The following AKIRIN1 variants were observed in gnomAD, a reference collection of about 807,000 sequenced individuals.
The protein encoded by AKIRIN1 is akirin-1.
Under a neutral mutation model 25.9 loss-of-function variants are expected in AKIRIN1, and 4 were observed. The observed-to-expected ratio is 0.15, with a 90% CI of 0.08 to 0.35. AKIRIN1 has a LOEUF of 0.35. Among genes scored for constraint, AKIRIN1 ranks in the 10% least tolerant of loss-of-function variants. The pLI, the probability that AKIRIN1 is intolerant of heterozygous loss-of-function variation, is 1.00. For missense variants in AKIRIN1, 243 were observed against 266.1 expected (o/e 0.91, Z 0.61); for synonymous variants, 125 against 105.1 (o/e 1.19, Z -1.16).
rs1275330060 is a variant in AKIRIN1 at position 39,005,059 on chromosome 1, A to G, written c.*1004A>G. 1 of 152,368 alleles carries G rather than the reference A, an allele frequency of 6.6e-6. No individual in the cohort carries two copies. The highest frequency in any genetic ancestry group is 1.5e-5 in the Non-Finnish European group (1 of 68,162). 9.4% of individuals were successfully genotyped at this position (152,368 alleles called of 1,614,324 possible). On this transcript the variant is annotated 3_prime_UTR_variant, in exon 5 of 5. Coordinates refer to ENST00000432648, the MANE Select transcript of AKIRIN1 (RefSeq NM_024595.3). ...AGTGGCTCACGCCTGTAATCCCAGC[A>G]CTTTGGGAGTCCGAGGCATGCGGAT...
chr1:38,996,627 T>TCC (rs1357014345), intron 1 of AKIRIN1, among the ~76,000 whole-genome samples: 1 of 152,166 alleles, frequency 6.6e-6, no homozygotes, highest in African/African-American at 2.4e-5. Flanking sequence ...CCTCCCCGGT[T>TCC]CAAGAGATTC....
chr1:38,998,766 C>T (rs1054622130), intron 2 of AKIRIN1, among the ~76,000 whole-genome samples: 2 of 151,686 alleles, frequency 1.3e-5, no homozygotes, highest in Non-Finnish European at 2.9e-5. Flanking sequence ...ATTAGCCAGG[C>T]ATGGTGGCTC....
At chr1:38,999,403 A>G (rs757675397) in intron 2 of AKIRIN1, among the ~76,000 whole-genome samples, 4 of 152,222 alleles carry the variant, frequency 2.6e-5, no homozygotes, top group Admixed American at 6.5e-5. Flanking sequence ...AAGTGGTGGT[A>G]GTAGTGTAAC....
rs1387366661 is a variant in AKIRIN1, at chr1:38,998,346, G to C, written c.361+35G>C. On this transcript the variant is annotated intron_variant, in intron 2 of 4. Coordinates refer to ENST00000432648, the MANE Select transcript of AKIRIN1 (RefSeq NM_024595.3). ...CTTTGATCTGCAAAATTCGCATTAA[G>C]AGTTTGTAAATGGTACTTATAATGA... is the stretch of plus-strand genomic sequence containing the variant. The C allele has an allele frequency of 1.9e-6, 3 of 1,570,914 alleles. No individual in the cohort carries two copies. In the South Asian group the frequency reaches 3.5e-5, roughly 18 times the overall value.
At chr1:38,997,125 G>GT (rs894239961) in intron 1 of AKIRIN1, among the ~76,000 whole-genome samples, 1 of 152,072 alleles carries the variant, frequency 6.6e-6, no homozygotes, top group African/African-American at 2.4e-5. Flanking sequence ...AAAAAAGGTG[G>GT]TTATAGCAAA....
At chr1:38,996,112 T>C (rs775276917) in intron 1 of AKIRIN1, among the ~76,000 whole-genome samples, 13 of 152,184 alleles carry the variant, frequency 8.5e-5, no homozygotes, top group Non-Finnish European at 1.5e-4. Context: ...TTTTGTTTTT[T>C]GAGACAGTGT....
At chr1:38,995,202 C>T (rs1643938916) in intron 1 of AKIRIN1, among the ~76,000 whole-genome samples, 1 of 152,128 alleles carries the variant, frequency 6.6e-6, no homozygotes, top group Admixed American at 6.6e-5. Context: ...GTCCAAAAAA[C>T]CCACAATTTA....
At position 38,991,353 on chromosome 1, in the gene AKIRIN1, C is replaced by T. The variant is rs935315994; in HGVS notation, c.-28C>T. 1 of 1,335,714 alleles carries T rather than the reference C, an allele frequency of 7.5e-7. No homozygotes were observed. The highest frequency in any genetic ancestry group is 9.6e-7 in the Non-Finnish European group (1 of 1,045,396). 82.7% of individuals were successfully genotyped at this position (1,335,714 alleles called of 1,614,324 possible). A position where few individuals can be genotyped will look rare whatever the true frequency, so the allele number is the denominator to read the frequency against. Reference sequence around the variant, plus strand: ...CTTGGGCCGCACTTACCGCCGCGTCCGCTCCCGGTCCCTGGCCCCTCAGCG... The same window carrying T: ...CTTGGGCCGCACTTACCGCCGCGTCTGCTCCCGGTCCCTGGCCCCTCAGCG... On this transcript the variant is annotated 5_prime_UTR_variant, in exon 1 of 5. Transcript: ENST00000432648.
At chr1:38,994,672 ATTTTTTTTTTTTTTTTTTTTTTT>A (rs10528399) in intron 1 of AKIRIN1, among the ~76,000 whole-genome samples, 1 of 63,558 alleles carries the variant, frequency 1.6e-5, no homozygotes, top group African/African-American at 8.2e-5. Context: ...CGCTCGGCTA[ATTTTTTTTTTTTTTTTTTTTTTT>A]TTTTTTTTTT....
At chr1:38,995,045 G>A (rs1307631135) in intron 1 of AKIRIN1, among the ~76,000 whole-genome samples, 1 of 151,866 alleles carries the variant, frequency 6.6e-6, no homozygotes, top group East Asian at 1.9e-4. Context: ...TGGCCAAGCT[G>A]GTCTCAAACT....
Position 38,991,452 on chromosome 1 carries a change from G to A in AKIRIN1, c.72G>A (p.Lys24=). 1 of 1,376,566 alleles carries A rather than the reference G, an allele frequency of 7.3e-7. No homozygotes were observed. The allele number at this position is 1,376,566 out of a possible 1,614,324, so 85.3% of individuals were successfully genotyped here. ...EAALLSPGSP[K]RRRCAPLPGP... ...CGCTGCTGAGCCCCGGCTCCCCGAA[G>A]CGGCGGCGCTGCGCCCCTCTGCCCG... The change falls in exon 1 of 5, where the codon AAG becomes AAA. Residue 24 remains lysine (K), a synonymous_variant. Coordinates refer to ENST00000432648, the MANE Select transcript of AKIRIN1 (RefSeq NM_024595.3).
chr1:38,992,086 T>C (rs1219468086), intron 1 of AKIRIN1, among the ~76,000 whole-genome samples: 6 of 151,990 alleles, frequency 3.9e-5, no homozygotes, highest in Non-Finnish European at 7.3e-5. Flanking sequence ...CAGAAGTCTT[T>C]AGGAACCCAG....
At chr1:38,995,075 C>T (rs1643937705) in intron 1 of AKIRIN1, among the ~76,000 whole-genome samples, 1 of 152,072 alleles carries the variant, frequency 6.6e-6, no homozygotes, top group African/African-American at 2.4e-5. Flanking sequence ...AGGTGATCTG[C>T]CCGCCTCGGC....
chr1:39,000,388 G>T (rs576714527), intron 2 of AKIRIN1, among the ~76,000 whole-genome samples: 3 of 128,600 alleles, frequency 2.3e-5, no homozygotes, highest in Non-Finnish European at 3.2e-5. Context: ...TTGTTGCCCC[G>T]TTTGGAGTGC....
At chr1:38,999,827 A>G (rs999347753) in intron 2 of AKIRIN1, among the ~76,000 whole-genome samples, 2 of 152,224 alleles carry the variant, frequency 1.3e-5, no homozygotes, top group Admixed American at 6.5e-5. Flanking sequence ...ACCTGAGAAC[A>G]GGGCTGCTGC....
chr1:39,004,629 GAATC>G lies in AKIRIN1; in HGVS notation c.*575_*578del, dbSNP rs1644019833. The G allele has an allele frequency of 5.6e-6, 1 of 177,134 alleles. No homozygotes were observed. Among genetic ancestry groups the G allele is most frequent in the African/African-American group, 2.4e-5 (1 of 41,638 alleles). The allele number at this position is 177,134 out of a possible 1,614,324, so 11.0% of individuals were successfully genotyped here. On this transcript the variant is annotated 3_prime_UTR_variant, in exon 5 of 5. Transcript: ENST00000432648. The stretch of plus-strand genomic sequence containing the variant: ...GGGACTGTTTCCAGGCACAGAATAT[GAATC>G]GTAAGTTAGGATGGACATTAGATGT...
chr1:38,997,979 G>A (rs1643959900), intron 1 of AKIRIN1, among the ~76,000 whole-genome samples, 192 bp from the exon 2 acceptor site: 1 of 152,116 alleles, frequency 6.6e-6, no homozygotes, highest in Admixed American at 6.6e-5. Flanking sequence ...TGTCTTTGAA[G>A]CCACTGGGGA....
At chr1:38,998,436 G>A in intron 2 of AKIRIN1, 125 bp downstream of exon 2, 1 of 1,126,768 alleles carries the variant, frequency 8.9e-7, no homozygotes, top group Middle Eastern at 2.1e-4. Flanking sequence ...AATATTTACA[G>A]ATATTTTTAA....
chr1:39,001,034 G>A lies in AKIRIN1; in HGVS notation c.424G>A (p.Glu142Lys). The change falls in exon 3 of 5, where the codon GAG becomes AAG. Residue 142 changes from glutamate (E) to lysine (K), a missense_variant. By Grantham distance (56) the Glu-to-Lys change is moderately conservative. This residue lies in a region of AKIRIN1 where 190 missense variants were observed against 174.4 expected (regional missense o/e 1.09). Coordinates refer to ENST00000432648, the MANE Select transcript of AKIRIN1 (RefSeq NM_024595.3). ...CCTCCGACAAGTTGGCATAATATGT[G>A]AGCGCCTCTTAAAAGACTATGAAGA... ...FTLRQVGIIC[E>K]RLLKDYEDKI... 1.2e-6 allele frequency: 2 copies of A among 1,613,936 alleles called. No individual in the cohort carries two copies. Among genetic ancestry groups the A allele is most frequent in the Non-Finnish European group, 1.7e-6 (2 of 1,179,936 alleles).
Sources: allele counts gnomAD v4.1 joint callset (sites outside exome capture counted in the v4.1 genomes callset), GRCh38; gene constraint gnomAD v4.1.1; regional missense constraint gnomAD v4.1.1; transcripts MANE v1.5; gene names NCBI Gene and HGNC (gene_info 2026-07-23, HGNC 2026-07-21).